Variants in AGAP1 observed in about 807,000 individuals in gnomAD.
AGAP1 encodes the protein ArfGAP with GTPase domain, ankyrin repeat and PH domain 1.
A neutral mutation model predicts 105.3 loss-of-function variants in AGAP1; 29 were observed. The ratio of observed to expected loss-of-function variants is 0.28; its 90% CI spans 0.21 to 0.38. AGAP1 has a LOEUF of 0.38. Ranked by LOEUF, AGAP1 falls within the 10% of genes least tolerant of loss-of-function variation. AGAP1 has a pLI of 1.00. For synonymous variants in AGAP1, 509 were observed against 485.9 expected, an observed-to-expected ratio of 1.05 and a Z score of -0.63; for missense variants, 998 against 1,165.1, an observed-to-expected ratio of 0.86 and a Z score of 2.09.
intron 1 of AGAP1, among the ~76,000 whole-genome samples, chr2:235,573,064 C>CT (rs1944618267): frequency 4.3e-5 from 5 of 117,102 alleles, no homozygotes; most frequent in South Asian, 3.1e-4. Flanking sequence ...CTTCTTCTTT[C>CT]TTCTTTCTTC....
intron 9 of AGAP1, among the ~76,000 whole-genome samples, chr2:235,860,799 A>G (rs1413741228): frequency 6.6e-6 from 1 of 152,230 alleles, no homozygotes; most frequent in East Asian, 1.9e-4. Context: ...CAACATGCCA[A>G]ATGATGGTTC....
At chr2:235,869,630 T>C (rs1045943555) in intron 9 of AGAP1, among the ~76,000 whole-genome samples, 2 of 152,060 alleles carry the variant, frequency 1.3e-5, no homozygotes, top group African/African-American at 4.8e-5. Flanking sequence ...GCCACCTTAT[T>C]GTTTATCATG....
At chr2:235,884,642 C>T (rs562580460) in intron 10 of AGAP1, among the ~76,000 whole-genome samples, 80 of 151,956 alleles carry the variant, frequency 5.3e-4, no homozygotes, top group Middle Eastern at 3.4e-3. Flanking sequence ...TTAGTAGAGA[C>T]GTGGTTTCAC....
Position 235,642,748 on chromosome 2 carries a change from A to G in AGAP1, c.164-66431A>G, listed in dbSNP as rs939646836. ...CTCTGCTTATGTGAGATGTGCAGAC[A>G]TAATTCTTGCTTTTAGAAGGAGGGG... On this transcript the variant is annotated intron_variant, in intron 1 of 17. Transcript: ENST00000304032. The surrounding 1 kb of genome is among the most constrained non-coding windows in gnomAD (Gnocchi z 4.1). Among the ~76,000 whole-genome samples the G allele has an allele frequency of 4.6e-5, 7 of 152,386 alleles. No individual in the cohort carries two copies. The highest frequency in any genetic ancestry group is 7.3e-5 in the Non-Finnish European group (5 of 68,044).
At position 235,957,032 on chromosome 2, in the gene AGAP1, C is replaced by A. The variant is rs1258543356; in HGVS notation, c.1484-11430C>A. 1.3e-5 allele frequency among the ~76,000 whole-genome samples: 2 copies of A among 152,220 alleles called. No homozygotes were observed. The highest frequency in any genetic ancestry group is 4.8e-5 in the African/African-American group (2 of 41,456). ...ATTCAGATAAAAATCACATAACACA[C>A]TTCTCCCATTTAACAGGTGCAATGC... On this transcript the variant is annotated intron_variant, in intron 12 of 17. Transcript: ENST00000304032. This position sits in a 1 kb window ranked among gnomAD's most constrained non-coding sequence, Gnocchi z 4.6.
chr2:235,742,777 A>G (rs547689486), intron 4 of AGAP1, among the ~76,000 whole-genome samples: 63 of 152,310 alleles, frequency 4.1e-4, no homozygotes, highest in African/African-American at 1.4e-3. Flanking sequence ...CCCAGCACAT[A>G]AATGTTTTGA....
chr2:236,074,336 A>G (rs1261647649), intron 16 of AGAP1, among the ~76,000 whole-genome samples: 1 of 152,214 alleles, frequency 6.6e-6, no homozygotes, highest in Non-Finnish European at 1.5e-5. Flanking sequence ...CATAGAATCA[A>G]CTGTAAAAGC....
chr2:235,775,687 A>T (rs976564377), intron 6 of AGAP1: 2 of 152,102 alleles, frequency 1.3e-5, no homozygotes, highest in African/African-American at 4.8e-5. Flanking sequence ...TAATGATGAT[A>T]CTTTGCTGTT....
rs1221231788 is a variant in AGAP1 at position 236,105,819 on chromosome 2, G to A, written c.2115-14373G>A. Reference sequence around the variant, plus strand: ...TCACCATGTTAGCCAGGGTGGTCTCGATCTCCTGACCTCATGATCCACCCT... The same window carrying A: ...TCACCATGTTAGCCAGGGTGGTCTCAATCTCCTGACCTCATGATCCACCCT... On this transcript the variant is annotated intron_variant, in intron 16 of 17. Transcript: ENST00000304032. The surrounding 1 kb of genome is among the most constrained non-coding windows in gnomAD (Gnocchi z 4.2). 2.0e-5 allele frequency among the ~76,000 whole-genome samples: 3 copies of A among 152,038 alleles called. No individual in the cohort carries two copies. The highest frequency in any genetic ancestry group is 4.4e-5 in the Non-Finnish European group (3 of 67,998).
At position 236,040,434 on chromosome 2, in the gene AGAP1, T is replaced by A. The variant is rs2057512529; in HGVS notation, c.1801-317T>A. Reference sequence around the variant, plus strand: ...TGGCTACTGCCCAGAAGGTTACCCATTTACCTTCTCCAGGTTACCATGGTC... The same window carrying A: ...TGGCTACTGCCCAGAAGGTTACCCAATTACCTTCTCCAGGTTACCATGGTC... On this transcript the variant is annotated intron_variant, in intron 14 of 17. Coordinates refer to ENST00000304032, the MANE Select transcript of AGAP1 (RefSeq NM_001037131.3). The surrounding 1 kb of genome is among the most constrained non-coding windows in gnomAD (Gnocchi z 5.6). Among the ~76,000 whole-genome samples the A allele has an allele frequency of 6.6e-6, 1 of 152,158 alleles. No homozygotes were observed.
chr2:235,744,657 C>G lies in AGAP1; in HGVS notation c.397-41C>G, dbSNP rs775098149. On this transcript the variant is annotated intron_variant, in intron 4 of 17. Coordinates refer to ENST00000304032, the MANE Select transcript of AGAP1 (RefSeq NM_001037131.3). This position sits in a 1 kb window ranked among gnomAD's most constrained non-coding sequence, Gnocchi z 5.2. Reference sequence around the variant, plus strand: ...ACATCTCTGTTCTTAATCAAGCCTGCTCACTCAGCTCCTGCTCTCCTCCCC... The same window carrying G: ...ACATCTCTGTTCTTAATCAAGCCTGGTCACTCAGCTCCTGCTCTCCTCCCC... The G allele has an allele frequency of 6.2e-7, 1 of 1,612,312 alleles. No homozygotes were observed. Among genetic ancestry groups the G allele is most frequent in the Non-Finnish European group, 8.5e-7 (1 of 1,178,866 alleles).
At chr2:235,840,781 T>TA (rs1438222797) in intron 9 of AGAP1, among the ~76,000 whole-genome samples, 4 of 151,498 alleles carry the variant, frequency 2.6e-5, no homozygotes, top group Non-Finnish European at 5.9e-5. Flanking sequence ...TTTTTTTTTT[T>TA]TATAAATGAG....
At position 235,578,117 on chromosome 2, in the gene AGAP1, C is replaced by T. The variant is rs932177317; in HGVS notation, c.163+83268C>T. 3.3e-5 allele frequency among the ~76,000 whole-genome samples: 5 copies of T among 152,076 alleles called. No homozygotes were observed. Among genetic ancestry groups the T allele is most frequent in the East Asian group, 1.9e-4 (1 of 5,168 alleles). On this transcript the variant is annotated intron_variant, in intron 1 of 17. Coordinates refer to ENST00000304032, the MANE Select transcript of AGAP1 (RefSeq NM_001037131.3). This position sits in a 1 kb window ranked among gnomAD's most constrained non-coding sequence, Gnocchi z 4.9. ...GGGAGCAGAGACAAGAGTTCCAGGG[C>T]GAGCCTCAGTTCTGGGACCACCATT...
chr2:235,829,646 G>T (rs138723215), intron 9 of AGAP1, among the ~76,000 whole-genome samples: 2 of 152,366 alleles, frequency 1.3e-5, no homozygotes, highest in Non-Finnish European at 2.9e-5. Flanking sequence ...GGTGATAGAT[G>T]ATTTTTAATT....
rs1375095558 is a variant in AGAP1, at chr2:235,732,982, G to A, written c.311-7981G>A. Among the ~76,000 whole-genome samples, 2 of 152,296 alleles carry A rather than the reference G, an allele frequency of 1.3e-5. No individual in the cohort carries two copies. The highest frequency in any genetic ancestry group is 1.9e-4 in the East Asian group (1 of 5,164). ...GCTGTGGGAGCTGAGACTGGATGCTGTTCTGGAGATCCCAGGATTTACTGA... is the reference window on the plus strand; with the variant it reads ...GCTGTGGGAGCTGAGACTGGATGCTATTCTGGAGATCCCAGGATTTACTGA... On this transcript the variant is annotated intron_variant, in intron 3 of 17. Transcript: ENST00000304032. This position sits in a 1 kb window ranked among gnomAD's most constrained non-coding sequence, Gnocchi z 4.8.
chr2:235,985,483 G>C (rs987525421), intron 13 of AGAP1, among the ~76,000 whole-genome samples: 5 of 152,130 alleles, frequency 3.3e-5, no homozygotes, highest in African/African-American at 9.7e-5. Flanking sequence ...TTTGGCTTTT[G>C]TTGCAATTGC....
At position 236,043,198 on chromosome 2, in the gene AGAP1, G is replaced by T. The variant is rs754227263; in HGVS notation, c.1891+2357G>T. Reference sequence around the variant, plus strand: ...GATGAACTGTAAACACCTCCATGGGGCCTTTCGACAATGTATATAAAAAGC... The same window carrying T: ...GATGAACTGTAAACACCTCCATGGGTCCTTTCGACAATGTATATAAAAAGC... On this transcript the variant is annotated intron_variant, in intron 15 of 17. Transcript: ENST00000304032. Among the ~76,000 whole-genome samples, 44 of 152,328 alleles carry T rather than the reference G, an allele frequency of 2.9e-4. 1 individual carries two copies. Among genetic ancestry groups the T allele is most frequent in the Middle Eastern group, 3.4e-3 (1 of 294 alleles).
chr2:235,954,223 A>C (rs1022163552), intron 12 of AGAP1, among the ~76,000 whole-genome samples: 1 of 141,614 alleles, frequency 7.1e-6, no homozygotes, highest in African/African-American at 2.8e-5. Context: ...GTGTGATAAG[A>C]GTGAAACTCT....
chr2:235,643,403 C>T (rs1947261903), intron 1 of AGAP1, among the ~76,000 whole-genome samples: 1 of 128,706 alleles, frequency 7.8e-6, no homozygotes, highest in Non-Finnish European at 1.5e-5. Context: ...TGCACTCCAG[C>T]CTGGGCAACA....
Sources: allele counts gnomAD v4.1 joint callset (sites outside exome capture counted in the v4.1 genomes callset), GRCh38; gene constraint gnomAD v4.1.1; non-coding constraint Gnocchi (gnomAD v3.1); transcripts MANE v1.5; gene names NCBI Gene and HGNC (gene_info 2026-07-23, HGNC 2026-07-21).